Variants in MECOM observed in about 807,000 individuals in gnomAD.
The protein encoded by MECOM is histone-lysine N-methyltransferase MECOM.
Under a neutral mutation model 116.3 loss-of-function variants are expected in MECOM, and 13 were observed. The ratio of observed to expected loss-of-function variants is 0.11; its 90% CI spans 0.07 to 0.18. MECOM has a LOEUF of 0.18. Ranked by LOEUF, MECOM falls within the 10% of genes least tolerant of loss-of-function variation. MECOM has a pLI of 1.00. For synonymous variants in MECOM, 528 were observed against 535.2 expected, an observed-to-expected ratio of 0.99 and a Z score of 0.19; for missense variants, 1,299 against 1,509.0, an observed-to-expected ratio of 0.86 and a Z score of 2.31.
chr3:169,116,546 G>A lies in MECOM; in HGVS notation c.1326C>T (p.Gly442=), dbSNP rs1729221436. 2 of 1,614,120 alleles carry A rather than the reference G, an allele frequency of 1.2e-6. No homozygotes were observed. The highest frequency in any genetic ancestry group is 1.1e-5 in the South Asian group (1 of 91,068). Residue 442 remains glycine, a synonymous_variant, in exon 8 of 17, where the codon GGC becomes GGT. Transcript: ENST00000651503. ...HFAAGGFFGQ[G]ISLPGTPAMD... is the part of the protein sequence containing the mutation. ...TAGCTGGGGTTCCAGGAAGTGAAAT[G>A]CCTTGGCCAAAAAATCCACCTGCCG...
intron 12 of MECOM, 48 bp downstream of exon 12, chr3:169,100,837 A>T: frequency 9.0e-7 from 1 of 1,115,736 alleles, no homozygotes; most frequent in Non-Finnish European, 1.2e-6. Context: ...AATAAACTTT[A>T]ATTATTACAA....
chr3:169,414,068 C>G (rs1286043295), intron 1 of MECOM, among the ~76,000 whole-genome samples: 1 of 152,172 alleles, frequency 6.6e-6, no homozygotes, highest in Non-Finnish European at 1.5e-5. Flanking sequence ...CAAGTGGGTC[C>G]CAGACCCCCG....
chr3:169,324,915 C>G (rs1200296576), intron 2 of MECOM, among the ~76,000 whole-genome samples: 1 of 152,140 alleles, frequency 6.6e-6, no homozygotes, highest in Non-Finnish European at 1.5e-5. Flanking sequence ...CTCATCTCAG[C>G]AAAATCAAAT....
intron 1 of MECOM, among the ~76,000 whole-genome samples, chr3:169,634,504 G>C (rs1330075575): frequency 1.3e-5 from 2 of 152,142 alleles, no homozygotes; most frequent in Non-Finnish European, 2.9e-5. Context: ...TGTTAGCCAA[G>C]GCTTGTTGGT....
chr3:169,454,124 T>C (rs1447346848), intron 1 of MECOM, among the ~76,000 whole-genome samples: 4 of 152,162 alleles, frequency 2.6e-5, no homozygotes, highest in African/African-American at 7.2e-5. Flanking sequence ...TAAGAAATGT[T>C]AGAAGGTCTT....
chr3:169,184,216 G>A (rs1186165902), intron 2 of MECOM, among the ~76,000 whole-genome samples: 1 of 152,048 alleles, frequency 6.6e-6, no homozygotes, highest in Admixed American at 6.6e-5. Flanking sequence ...TACTTTCTCA[G>A]GGACAGCTAC....
intron 1 of MECOM, among the ~76,000 whole-genome samples, chr3:169,599,959 C>T (rs1324740999): frequency 6.6e-6 from 1 of 152,038 alleles, no homozygotes; most frequent in Non-Finnish European, 1.5e-5. Flanking sequence ...ATATTCTGCA[C>T]AACTACCTCT....
At chr3:169,422,782 T>C in intron 1 of MECOM, among the ~76,000 whole-genome samples, 1 of 152,078 alleles carries the variant, frequency 6.6e-6, no homozygotes, top group Admixed American at 6.6e-5. Context: ...AAATACTCCC[T>C]TTAAATCCAA....
intron 2 of MECOM, among the ~76,000 whole-genome samples, chr3:169,188,909 T>G: frequency 6.6e-6 from 1 of 152,128 alleles, no homozygotes; most frequent in East Asian, 1.9e-4. Flanking sequence ...GTGATGAAGT[T>G]GCAGCTCTGC....
intron 2 of MECOM, among the ~76,000 whole-genome samples, chr3:169,276,413 C>A (rs1193647362): frequency 6.6e-6 from 1 of 151,966 alleles, no homozygotes; most frequent in Non-Finnish European, 1.5e-5. Flanking sequence ...ATTAGCCAGG[C>A]ACGGTGGCGC....
intron 2 of MECOM, among the ~76,000 whole-genome samples, chr3:169,283,006 A>G (rs943642313): frequency 2.6e-5 from 4 of 152,132 alleles, no homozygotes; most frequent in African/African-American, 9.7e-5. Flanking sequence ...AATGTTATTC[A>G]AAGTATATGC....
At chr3:169,187,728 G>T (rs1746968118) in intron 2 of MECOM, among the ~76,000 whole-genome samples, 1 of 152,078 alleles carries the variant, frequency 6.6e-6, no homozygotes, top group South Asian at 2.1e-4. Flanking sequence ...TGGAACAAGA[G>T]ACCAGACATA....
intron 1 of MECOM, among the ~76,000 whole-genome samples, chr3:169,488,043 C>T (rs1485664523): frequency 6.6e-6 from 1 of 152,002 alleles, no homozygotes; most frequent in Admixed American, 6.5e-5. Flanking sequence ...TATAGTTTAA[C>T]TTCCAAAAGC....
chr3:169,603,010 T>C (rs1337821363), intron 1 of MECOM, among the ~76,000 whole-genome samples: 5 of 152,182 alleles, frequency 3.3e-5, no homozygotes, highest in Non-Finnish European at 7.3e-5. Flanking sequence ...ATATTTAACT[T>C]ACAGGGAATA....
At chr3:169,442,760 G>C (rs577144449) in intron 1 of MECOM, among the ~76,000 whole-genome samples, 1 of 152,280 alleles carries the variant, frequency 6.6e-6, no homozygotes, top group East Asian at 1.9e-4. Context: ...TCTACTACTG[G>C]ACTCAAGGTG....
chr3:169,137,313 G>A (rs1736658353), intron 3 of MECOM, among the ~76,000 whole-genome samples: 1 of 152,142 alleles, frequency 6.6e-6, no homozygotes, highest in South Asian at 2.1e-4. Flanking sequence ...ATATGCATTA[G>A]GAAACATAGT....
chr3:169,572,237 A>C (rs940032867), intron 1 of MECOM, among the ~76,000 whole-genome samples: 3 of 152,246 alleles, frequency 2.0e-5, no homozygotes, highest in Non-Finnish European at 2.9e-5. Context: ...AACATATGAA[A>C]AAAAGCTTAT....
chr3:169,642,418 GC>G (rs1289444063), intron 1 of MECOM, among the ~76,000 whole-genome samples: 1 of 145,498 alleles, frequency 6.9e-6, no homozygotes, highest in African/African-American at 2.6e-5. Context: ...CTGCCCTCCA[GC>G]CCGGGCAACA....
At chr3:169,535,094 C>A (rs921485334) in intron 1 of MECOM, among the ~76,000 whole-genome samples, 4 of 152,202 alleles carry the variant, frequency 2.6e-5, no homozygotes, top group African/African-American at 7.2e-5. Flanking sequence ...CCTGGGCCAA[C>A]TTTCCCTGAA....
Sources: gnomAD v4.1 joint callset for allele counts (sites outside exome capture counted in the v4.1 genomes callset) on GRCh38, gnomAD v4.1.1 for gene constraint, MANE v1.5 for transcripts, NCBI Gene and HGNC (gene_info 2026-07-23, HGNC 2026-07-21) for gene names.